Variants in GLIS3 observed in about 807,000 individuals in gnomAD.
GLIS3 encodes zinc finger protein GLIS3.
GLIS3 carries 53 observed loss-of-function variants against 78.6 expected under a neutral mutation model. That is an observed-to-expected ratio of 0.67 (90% CI 0.54 to 0.85). GLIS3 has a LOEUF of 0.85. GLIS3 is among the 40% of genes least tolerant of loss of function. The pLI is 0.00. For synonymous variants in GLIS3, 684 were observed against 509.9 expected (o/e 1.34, Z -4.60); for missense variants, 1,703 against 1,231.1 (o/e 1.38, Z -5.74).
At chr9:4,082,631 G>A (rs1202944434) in intron 4 of GLIS3, among the ~76,000 whole-genome samples, 1 of 152,142 alleles carries the variant, frequency 6.6e-6, no homozygotes, top group Non-Finnish European at 1.5e-5. Flanking sequence ...GAATAACTCT[G>A]CATCAGAAGG....
chr9:4,229,800 T>C (rs559909629), intron 2 of GLIS3, among the ~76,000 whole-genome samples: 36 of 152,354 alleles, frequency 2.4e-4, no homozygotes, highest in African/African-American at 8.4e-4. Context: ...TGAATACACA[T>C]CACATCAAAT....
At chr9:4,180,272 G>A (rs1033091126) in intron 2 of GLIS3, among the ~76,000 whole-genome samples, 7 of 152,114 alleles carry the variant, frequency 4.6e-5, no homozygotes, top group East Asian at 1.9e-4. Context: ...AAGCTACTCC[G>A]GTCCTAGGTC....
chr9:4,385,757 GA>G, the GLIS3 span, among the ~76,000 whole-genome samples: 2 of 24,096 alleles, frequency 8.3e-5, 1 homozygote. Flanking sequence ...AAGAAAGAAA[GA>G]AAGAAAGAAA....
At chr9:4,009,005 T>A (rs549490975) in intron 4 of GLIS3, among the ~76,000 whole-genome samples, 1 of 152,290 alleles carries the variant, frequency 6.6e-6, no homozygotes, top group East Asian at 1.9e-4. Flanking sequence ...GAGAGATGCA[T>A]TCCTGAACCG....
At chr9:4,049,155 C>T (rs544572384) in intron 4 of GLIS3, among the ~76,000 whole-genome samples, 1 of 152,294 alleles carries the variant, frequency 6.6e-6, no homozygotes, top group East Asian at 1.9e-4. Context: ...ACAACAACAG[C>T]TGCACCTGGA....
At chr9:4,217,639 T>C (rs568145644) in intron 2 of GLIS3, among the ~76,000 whole-genome samples, 5 of 152,164 alleles carry the variant, frequency 3.3e-5, no homozygotes, top group African/African-American at 1.2e-4. Flanking sequence ...TATTTTAGAG[T>C]GCTGAACTCT....
the GLIS3 span, among the ~76,000 whole-genome samples, chr9:4,397,542 A>AC: frequency 6.6e-6 from 1 of 151,512 alleles, no homozygotes; most frequent in African/African-American, 2.4e-5. Flanking sequence ...CAAGCAAGGG[A>AC]CTTCAAGGCT....
At chr9:4,204,086 C>G (rs1489791629) in intron 2 of GLIS3, among the ~76,000 whole-genome samples, 4 of 152,012 alleles carry the variant, frequency 2.6e-5, no homozygotes, top group Non-Finnish European at 5.9e-5. Context: ...TCCTCTGAAT[C>G]TAATATAAAA....
At chr9:4,394,408 T>G in the GLIS3 span, among the ~76,000 whole-genome samples, 4 of 152,092 alleles carry the variant, frequency 2.6e-5, no homozygotes, top group Admixed American at 2.6e-4. Flanking sequence ...TTGTGAGTCT[T>G]CATTCTCTCA....
chr9:4,241,368 G>C (rs1309676624), intron 2 of GLIS3, among the ~76,000 whole-genome samples: 1 of 152,160 alleles, frequency 6.6e-6, no homozygotes, highest in East Asian at 1.9e-4. Context: ...CAGTTAGATA[G>C]AAGAAATAAG....
chr9:4,374,621 A>C, the GLIS3 span, among the ~76,000 whole-genome samples: 1 of 152,228 alleles, frequency 6.6e-6, no homozygotes, highest in African/African-American at 2.4e-5. Context: ...GGTTCCGACA[A>C]GGCTGTCAAT....
intron 6 of GLIS3, among the ~76,000 whole-genome samples, chr9:3,905,859 A>C (rs552945714): frequency 2.7e-4 from 41 of 150,988 alleles, no homozygotes; most frequent in African/African-American, 9.0e-4. Context: ...TTTGGTCCTC[A>C]CTCCTTCCAG....
intron 6 of GLIS3, among the ~76,000 whole-genome samples, chr9:3,915,384 T>C (rs1824441308): frequency 2.0e-5 from 3 of 152,186 alleles, no homozygotes; most frequent in Middle Eastern, 6.8e-3. Flanking sequence ...GCTCACGGTA[T>C]ACAGATTCCA....
intron 2 of GLIS3, among the ~76,000 whole-genome samples, chr9:4,238,204 G>T (rs1397030531): frequency 2.0e-5 from 3 of 152,166 alleles, no homozygotes; most frequent in Admixed American, 1.3e-4. Context: ...AGCTTCCTGA[G>T]AGACCGAAAC....
At chr9:3,943,271 G>A (rs1038013165) in intron 4 of GLIS3, among the ~76,000 whole-genome samples, 1 of 152,180 alleles carries the variant, frequency 6.6e-6, no homozygotes, top group African/African-American at 2.4e-5. Flanking sequence ...AATGTTTTGA[G>A]GCTTTTAAAA....
In GLIS3 at chr9:4,047,958, T is replaced by C. The variant is rs142332110; in HGVS notation, c.1710+69810A>G. The stretch of plus-strand genomic sequence containing the variant: ...CCAGCTGGTAGGCCTAAGGAGGTCT[T>C]TGTTCTCTGGTTCTTACTTTTCCAA... On this transcript the variant is annotated intron_variant, in intron 4 of 10. Transcript: ENST00000381971. 2.2e-3 allele frequency among the ~76,000 whole-genome samples: 339 copies of C among 152,280 alleles called. 5 individuals carry two copies. The highest frequency in any genetic ancestry group is 8.4e-4 in the Non-Finnish European group (57 of 68,012).
intron 4 of GLIS3, among the ~76,000 whole-genome samples, chr9:4,040,067 A>G (rs180869333): frequency 6.6e-6 from 1 of 152,150 alleles, no homozygotes; most frequent in African/African-American, 2.4e-5. Flanking sequence ...TAATGAAATT[A>G]CATCCTCTGC....
At chr9:3,957,212 G>C (rs1002314137) in intron 4 of GLIS3, among the ~76,000 whole-genome samples, 1 of 152,212 alleles carries the variant, frequency 6.6e-6, no homozygotes, top group South Asian at 2.1e-4. Flanking sequence ...AGTGGGTGTG[G>C]AGCCCTTTCC....
At chr9:4,332,656 T>C (rs1301603206) in intron 2 of GLIS3, among the ~76,000 whole-genome samples, 1 of 152,226 alleles carries the variant, frequency 6.6e-6, no homozygotes, top group Non-Finnish European at 1.5e-5. Flanking sequence ...ACTACCAACC[T>C]ACCTCTGGAC....
Sources: allele counts gnomAD v4.1 joint callset (sites outside exome capture counted in the v4.1 genomes callset), GRCh38; gene constraint gnomAD v4.1.1; transcripts MANE v1.5; gene names NCBI Gene and HGNC (gene_info 2026-07-23, HGNC 2026-07-21).